EMG1: variants seen among roughly 807,000 people sequenced by gnomAD.
EMG1 encodes ribosomal RNA small subunit methyltransferase NEP1.
In EMG1, 24 loss-of-function variants were observed where a neutral mutation model predicts 26.9. That is an observed-to-expected ratio of 0.89 (90% CI 0.65 to 1.26). EMG1 has a LOEUF of 1.26. Among genes scored for constraint, EMG1 ranks in the 50% most tolerant of loss-of-function variants. EMG1 has a pLI of 0.00. For synonymous variants in EMG1, 140 were observed against 112.6 expected (o/e 1.24, Z -1.54); for missense variants, 299 against 307.6 (o/e 0.97, Z 0.21).
downstream of EMG1, among the ~76,000 whole-genome samples, chr12:6,990,055 T>C (rs944547814): frequency 6.6e-6 from 1 of 151,820 alleles, no homozygotes; most frequent in African/African-American, 2.4e-5. Flanking sequence ...TGCGTGCCTG[T>C]AGTCCCAGCT....
intron 1 of EMG1, among the ~76,000 whole-genome samples, chr12:6,972,234 G>A (rs781822430): frequency 2.6e-5 from 4 of 152,004 alleles, no homozygotes; most frequent in Non-Finnish European, 5.9e-5. Flanking sequence ...TCTATTAAAA[G>A]AATAGAAAAC....
intron 6 of EMG1, among the ~76,000 whole-genome samples, chr12:6,985,878 G>A (rs1195107342): frequency 6.7e-4 from 100 of 150,264 alleles, no homozygotes; most frequent in African/African-American, 2.3e-3. Flanking sequence ...AGGTTCAAGC[G>A]ATTCTCCTGC....
chr12:6,971,295 A>G (rs1266955418), intron 1 of EMG1, among the ~76,000 whole-genome samples: 2 of 138,428 alleles, frequency 1.4e-5, no homozygotes, highest in South Asian at 2.2e-4. Context: ...TTTTTTTGAG[A>G]CGGAGTCTCG....
chr12:6,981,903 G>A (rs782721760), downstream of EMG1: 12 of 1,548,744 alleles, frequency 7.7e-6, no homozygotes, highest in Middle Eastern at 1.7e-4. Context: ...CAGAAGGTAG[G>A]CCTAGGAGAG....
intron 6 of EMG1, among the ~76,000 whole-genome samples, chr12:6,985,834 C>T (rs1371425058): frequency 1.3e-5 from 2 of 149,450 alleles, no homozygotes; most frequent in Admixed American, 1.3e-4. Context: ...TGCAATGGCA[C>T]GATCTTGGCA....
Position 6,975,710 on chromosome 12 carries a change from T to C in EMG1, c.636T>C (p.Tyr212=), listed in dbSNP as rs1555153063. 3.1e-6 allele frequency: 5 copies of C among 1,609,790 alleles called. No homozygotes were observed. The highest frequency in any genetic ancestry group is 4.5e-5 in the East Asian group (2 of 44,880). The change falls in exon 6 of 6, where the codon TAT becomes TAC. Residue 212 remains tyrosine, a synonymous_variant. Coordinates refer to ENST00000599672, the MANE Select transcript of EMG1 (RefSeq NM_006331.8). ...TCTTTTCTTAGGTCAGTGTGGAGTA[T>C]ACAGAGAAGATGGTGTCCATCAGTA... The part of the protein sequence containing the change: ...AFAHGKVSVE[Y]TEKMVSISNY...
downstream of EMG1, among the ~76,000 whole-genome samples, chr12:6,984,923 G>GT (rs1555154606): frequency 1.3e-5 from 2 of 152,112 alleles, no homozygotes; most frequent in Admixed American, 6.6e-5. Context: ...TGTAACTGCA[G>GT]TTTTTATCAT....
intron 1 of EMG1, 114 bp from the exon 2 acceptor site, chr12:6,974,225 T>C (rs1946365573): frequency 1.3e-6 from 1 of 773,470 alleles, no homozygotes; most frequent in African/African-American, 1.7e-5. Flanking sequence ...AGAATTTGCC[T>C]AACAAGTTTC....
Position 6,975,324 on chromosome 12 carries a change from G to A in EMG1, c.567G>A (p.Leu189=), listed in dbSNP as rs782141588. Residue 189 remains leucine (L), a synonymous_variant, in exon 5 of 6, where the codon CTG becomes CTA. Coordinates refer to ENST00000599672, the MANE Select transcript of EMG1 (RefSeq NM_006331.8). The part of the protein sequence containing the change: ...SIPVVSDVRE[L]VPSSDPIVFV... ...CGGTTGTCAGTGATGTGCGTGAGCT[G>A]GTGCCCAGCAGTGATCCTATTGTTT... 40 of 1,609,438 alleles carry A rather than the reference G, an allele frequency of 2.5e-5. No individual in the cohort carries two copies. The highest frequency in any genetic ancestry group is 1.7e-4 in the Middle Eastern group (1 of 6,056).
downstream of EMG1, among the ~76,000 whole-genome samples, chr12:6,980,195 G>A (rs1373776210): frequency 6.6e-6 from 1 of 151,950 alleles, no homozygotes; most frequent in African/African-American, 2.4e-5. Context: ...CTATAGGCAT[G>A]TACCACCTTG....
At position 6,979,703 on chromosome 12, in the gene EMG1, G is replaced by A. The variant is rs1240976403; in HGVS notation, c.*3894G>A. 7.4e-6 allele frequency: 5 copies of A among 675,004 alleles called. No homozygotes were observed. The highest frequency in any genetic ancestry group is 1.3e-5 in the Non-Finnish European group (5 of 378,590). 41.8% of individuals were successfully genotyped at this position (675,004 alleles called of 1,614,324 possible). A position where few individuals can be genotyped will look rare whatever the true frequency, so the allele number is the denominator to read the frequency against. ...TTGTCTACCTGGAATGGGATGAGAA[G>A]CTCTGCTGCCCAAAGTGTTTCCTGT... On this transcript the variant is annotated 3_prime_UTR_variant, in exon 6 of 6. Coordinates refer to ENST00000599672, the MANE Select transcript of EMG1 (RefSeq NM_006331.8).
chr12:6,993,747 G>A (rs782147537), intron 7 of EMG1, among the ~76,000 whole-genome samples: 5 of 152,046 alleles, frequency 3.3e-5, no homozygotes, highest in Admixed American at 6.6e-5. Flanking sequence ...ATAATATCCC[G>A]TTGTATGGAT....
At chr12:6,981,186 T>C, downstream of EMG1, 1 of 1,602,958 alleles carries the variant, frequency 6.2e-7, no homozygotes, top group Non-Finnish European at 8.5e-7. Flanking sequence ...AGGAATTCTA[T>C]GCCAAGAAGA....
intron 3 of EMG1, 125 bp from the exon 4 acceptor site, chr12:6,974,964 AG>A: frequency 1.0e-6 from 1 of 1,001,898 alleles, no homozygotes; most frequent in Non-Finnish European, 1.6e-6. Context: ...CTAACATTTC[AG>A]GAGTCCAGTC....
downstream of EMG1, chr12:6,982,587 G>GAC: frequency 1.6e-5 from 15 of 959,738 alleles, no homozygotes; most frequent in Non-Finnish European, 2.3e-5. Context: ...AATTAGGTCT[G>GAC]CTAATTTCTA....
chr12:6,976,602 ATTC>A lies in EMG1; in HGVS notation c.*794_*796del, dbSNP rs201186634. Reference sequence around the variant, plus strand: ...TAGCTGGGCATGGTGGCGTGCCTGTATTCCCAGCTACTTGGGAGGCTGAGGCAG... The same window carrying A: ...TAGCTGGGCATGGTGGCGTGCCTGTACCAGCTACTTGGGAGGCTGAGGCAG... On this transcript the variant is annotated 3_prime_UTR_variant, in exon 6 of 6. Transcript: ENST00000599672. The A allele has an allele frequency of 0.015, 2,346 of 153,450 alleles. 29 individuals carry two copies. The highest frequency in any genetic ancestry group is 0.023 in the Admixed American group (362 of 15,490). 9.5% of individuals were successfully genotyped at this position (153,450 alleles called of 1,614,324 possible).
chr12:6,980,800 G>T, downstream of EMG1: 1 of 415,598 alleles, frequency 2.4e-6, no homozygotes, highest in Non-Finnish European at 4.2e-6. Context: ...TTTTATGTTT[G>T]TACTAGTGTT....
chr12:6,975,721 T>C lies in EMG1; in HGVS notation c.647T>C (p.Met216Thr), dbSNP rs782751710. The change falls in exon 6 of 6, where the codon ATG becomes ACG. Residue 216 changes from methionine to threonine, a missense_variant. Physicochemically the swap from Met to Thr is moderately conservative, Grantham distance 81 (BLOSUM62 -1). Coordinates refer to ENST00000599672, the MANE Select transcript of EMG1 (RefSeq NM_006331.8). ...GKVSVEYTEK[M>T]VSISNYPLSA... The stretch of plus-strand genomic sequence containing the variant: ...GTCAGTGTGGAGTATACAGAGAAGA[T>C]GGTGTCCATCAGTAACTACCCCCTT... The C allele has an allele frequency of 1.1e-5, 18 of 1,612,578 alleles. No individual in the cohort carries two copies. The highest frequency in any genetic ancestry group is 1.5e-5 in the Non-Finnish European group (18 of 1,178,554).
chr12:6,980,885 G>C, downstream of EMG1: 1 of 997,408 alleles, frequency 1.0e-6, no homozygotes, highest in Non-Finnish European at 1.5e-6. Context: ...CAACAGTCCA[G>C]GGCCTGCATG....
Sources: allele counts gnomAD v4.1 joint callset (sites outside exome capture counted in the v4.1 genomes callset), GRCh38; gene constraint gnomAD v4.1.1; transcripts MANE v1.5; gene names NCBI Gene and HGNC (gene_info 2026-07-23, HGNC 2026-07-21).